The following TNKS variants were observed in gnomAD, a reference collection of about 807,000 sequenced individuals.
The protein encoded by TNKS is poly [ADP-ribose] polymerase tankyrase-1.
TNKS carries 72 observed loss-of-function variants against 135.8 expected under a neutral mutation model. That is an observed-to-expected ratio of 0.53 (90% CI 0.44 to 0.64). The LOEUF is 0.64. TNKS is among the 30% of genes least tolerant of loss of function. TNKS has a pLI of 0.00. For synonymous variants in TNKS, 849 were observed against 649.3 expected (o/e 1.31, Z -4.68); for missense variants, 1,769 against 1,674.0 (o/e 1.06, Z -0.99).
intron 9 of TNKS, among the ~76,000 whole-genome samples, chr8:9,708,989 C>T (rs1804188073): frequency 1.3e-5 from 2 of 151,784 alleles, no homozygotes; most frequent in African/African-American, 4.8e-5. Flanking sequence ...AAACTATCCA[C>T]GTTTTTTTCT....
chr8:9,644,187 G>C (rs555768626), intron 3 of TNKS, among the ~76,000 whole-genome samples: 9 of 152,286 alleles, frequency 5.9e-5, no homozygotes, highest in African/African-American at 2.2e-4. Context: ...GCTGTGAATG[G>C]ATCTTGGTGA....
intron 20 of TNKS, among the ~76,000 whole-genome samples, chr8:9,758,517 C>T (rs1806966411): frequency 6.6e-6 from 1 of 152,142 alleles, no homozygotes; most frequent in Non-Finnish European, 1.5e-5. Flanking sequence ...TAACAAATTA[C>T]CCAAAACTTA....
chr8:9,747,897 A>C, intron 17 of TNKS, 127 bp from the exon 18 acceptor site: 1 of 913,008 alleles, frequency 1.1e-6, no homozygotes, highest in Non-Finnish European at 1.6e-6. Context: ...TTTTTAGAAG[A>C]AACTTCTGTT....
At chr8:9,659,218 C>T (rs1035725168) in intron 3 of TNKS, among the ~76,000 whole-genome samples, 1 of 152,210 alleles carries the variant, frequency 6.6e-6, no homozygotes, top group African/African-American at 2.4e-5. Context: ...TTGAACTCCG[C>T]TCTGCACCAA....
At chr8:9,563,404 A>G (rs780696596) in intron 1 of TNKS, among the ~76,000 whole-genome samples, 3 of 152,100 alleles carry the variant, frequency 2.0e-5, no homozygotes, top group Admixed American at 6.5e-5. Flanking sequence ...TTGTAGCCAT[A>G]TGGTCCCTCT....
intron 20 of TNKS, among the ~76,000 whole-genome samples, chr8:9,757,402 A>T (rs184203940): frequency 6.6e-6 from 1 of 152,168 alleles, no homozygotes; most frequent in Non-Finnish European, 1.5e-5. Flanking sequence ...ATTTTGAACT[A>T]CAGTACTTAA....
intron 3 of TNKS, among the ~76,000 whole-genome samples, chr8:9,661,336 C>G (rs1801699696): frequency 1.3e-5 from 2 of 152,290 alleles, no homozygotes; most frequent in Admixed American, 1.3e-4. Context: ...TCAAACTATA[C>G]TACAAGGCTA....
chr8:9,559,646 G>C (rs145296146), intron 1 of TNKS, among the ~76,000 whole-genome samples: 1 of 152,014 alleles, frequency 6.6e-6, no homozygotes, highest in Non-Finnish European at 1.5e-5. Context: ...TTCTTCCCTT[G>C]TCTGTGTCCA....
At chr8:9,724,855 G>A (rs377144385) in intron 12 of TNKS, among the ~76,000 whole-genome samples, 4 of 152,180 alleles carry the variant, frequency 2.6e-5, no homozygotes, top group Non-Finnish European at 4.4e-5. Flanking sequence ...TAGACAGTCC[G>A]CATCAAGATA....
At chr8:9,636,811 C>T (rs964225314) in intron 3 of TNKS, among the ~76,000 whole-genome samples, 1 of 152,128 alleles carries the variant, frequency 6.6e-6, no homozygotes, top group Non-Finnish European at 1.5e-5. Context: ...TAACTAGTTC[C>T]CAGAAAGCTT....
intron 12 of TNKS, among the ~76,000 whole-genome samples, chr8:9,724,724 A>G (rs939635564): frequency 4.6e-5 from 7 of 152,192 alleles, no homozygotes; most frequent in African/African-American, 1.7e-4. Context: ...ATTAACCAAT[A>G]TTTTAAACAT....
chr8:9,556,732 C>G lies in TNKS; in HGVS notation c.673+120C>G, dbSNP rs147279964. On this transcript the variant is annotated intron_variant, in intron 1 of 26. Coordinates refer to ENST00000310430, the MANE Select transcript of TNKS (RefSeq NM_003747.3). The stretch of plus-strand genomic sequence containing the variant: ...GGGGCGTGGTTATGGTTCTTCATCA[C>G]CTCACCAGAAGACTGGAGGTTCCTT... The G allele has an allele frequency of 8.2e-4, 950 of 1,153,066 alleles. 5 individuals are homozygous for G. In the African/African-American group the frequency reaches 0.013, roughly 15 times the overall value. 71.4% of individuals were successfully genotyped at this position (1,153,066 alleles called of 1,614,324 possible). A position where few individuals can be genotyped will look rare whatever the true frequency, so the allele number is the denominator to read the frequency against.
At chr8:9,722,091 C>A (rs1423045008) in intron 12 of TNKS, among the ~76,000 whole-genome samples, 5 of 150,762 alleles carry the variant, frequency 3.3e-5, no homozygotes, top group African/African-American at 1.2e-4. Context: ...AAAAAAATGC[C>A]CTAACTATAA....
chr8:9,714,851 C>T (rs552757231), intron 11 of TNKS, among the ~76,000 whole-genome samples: 2 of 152,234 alleles, frequency 1.3e-5, no homozygotes, highest in African/African-American at 4.8e-5. Context: ...TACAGAAAGA[C>T]ATTTAATAAA....
At chr8:9,739,979 G>A (rs568754226) in intron 17 of TNKS, among the ~76,000 whole-genome samples, 7 of 100,598 alleles carry the variant, frequency 7.0e-5, no homozygotes, top group East Asian at 3.0e-4. Flanking sequence ...TGGGTGCAGC[G>A]CACCAGCATG....
chr8:9,575,557 A>G (rs1292668802), intron 1 of TNKS, among the ~76,000 whole-genome samples: 3 of 152,274 alleles, frequency 2.0e-5, no homozygotes. Context: ...TAAATGTGAA[A>G]GAATTATAAT....
At chr8:9,680,089 G>A in intron 4 of TNKS, 102 bp downstream of exon 4, 1 of 823,384 alleles carries the variant, frequency 1.2e-6, no homozygotes, top group Non-Finnish European at 2.1e-6. Context: ...TGTCTTGCTT[G>A]GATTTTATGC....
chr8:9,708,907 A>T (rs754881322), intron 9 of TNKS, among the ~76,000 whole-genome samples: 1 of 152,164 alleles, frequency 6.6e-6, no homozygotes, highest in Non-Finnish European at 1.5e-5. Context: ...TATTCAAAGA[A>T]CTGATTATAT....
chr8:9,694,782 A>G, intron 5 of TNKS, among the ~76,000 whole-genome samples: 1 of 151,092 alleles, frequency 6.6e-6, no homozygotes, highest in Non-Finnish European at 1.5e-5. Context: ...AAAAAAAGAT[A>G]TTGTCCAAAG....
Sources: allele counts gnomAD v4.1 joint callset (sites outside exome capture counted in the v4.1 genomes callset), GRCh38; gene constraint gnomAD v4.1.1; transcripts MANE v1.5; gene names NCBI Gene and HGNC (gene_info 2026-07-23, HGNC 2026-07-21).